Variants in CFAP43 observed in about 807,000 individuals in gnomAD.
CFAP43 encodes cilia and flagella associated protein 43.
CFAP43 carries 155 observed loss-of-function variants against 218.9 expected under a neutral mutation model. That is an observed-to-expected ratio of 0.71 (90% CI 0.62 to 0.81). The LOEUF is 0.81. CFAP43 is among the 30% of genes least tolerant of loss of function. The probability of loss-of-function intolerance (pLI) is 0.00; values close to 1 mark genes in which losing one functional copy is unlikely to be tolerated. For missense variants in CFAP43, 1,778 were observed against 1,954.3 expected (o/e 0.91, Z 1.70); for synonymous variants, 645 against 681.3 (o/e 0.95, Z 0.83).
intron 3 of CFAP43, among the ~76,000 whole-genome samples, chr10:104,222,108 A>G (rs756860426): frequency 6.6e-6 from 1 of 152,218 alleles, no homozygotes; most frequent in Non-Finnish European, 1.5e-5. Flanking sequence ...GTCTTCTTAG[A>G]TCAATTTACT....
At chr10:104,184,941 G>A (rs2089982040) in intron 16 of CFAP43, 75 bp downstream of exon 16, 2 of 1,553,866 alleles carry the variant, frequency 1.3e-6, no homozygotes, top group Non-Finnish European at 1.7e-6. Flanking sequence ...TGGCCTTGCT[G>A]TACTTAAATA....
At chr10:104,176,102 G>A (rs1195987656) in intron 19 of CFAP43, among the ~76,000 whole-genome samples, 1 of 152,050 alleles carries the variant, frequency 6.6e-6, no homozygotes, top group Non-Finnish European at 1.5e-5. Flanking sequence ...TATTCTCAAG[G>A]TACAAGAACT....
intron 3 of CFAP43, among the ~76,000 whole-genome samples, chr10:104,218,347 C>CAAAAAA (rs68078522): frequency 3.0e-5 from 3 of 98,612 alleles, no homozygotes; most frequent in Admixed American, 1.3e-4. Flanking sequence ...GACTGTGTCT[C>CAAAAAA]AAAAAAAAAA....
chr10:104,156,825 A>T (rs1190670565), intron 27 of CFAP43, among the ~76,000 whole-genome samples: 1 of 152,216 alleles, frequency 6.6e-6, no homozygotes, highest in Non-Finnish European at 1.5e-5. Flanking sequence ...AGCAGCTCGA[A>T]ACCCAGAAAA....
In CFAP43 at chr10:104,152,650, C is replaced by T. The variant is rs1198771332; in HGVS notation, c.3617G>A (p.Arg1206Lys). ...TGCCTTCACTCTCCTTTCAAAAAGT[C>T]TTTTCAAATGTTCATCAAAGGCCTG... ...STQAFDEHLK[R>K]LFERRVKAEM... The change falls in exon 28 of 38, where the codon AGA becomes AAA. Residue 1206 changes from arginine to lysine, a missense_variant. By Grantham distance (26) the Arg-to-Lys change is conservative. Around this residue, in one of 3 missense-constraint regions of CFAP43, gnomAD observed 1,553 missense variants for 1,685.2 expected, o/e 0.92. Coordinates refer to ENST00000357060, the MANE Select transcript of CFAP43 (RefSeq NM_025145.7). The T allele has an allele frequency of 6.2e-7, 1 of 1,613,824 alleles. No homozygotes were observed. The highest frequency in any genetic ancestry group is 2.2e-5 in the East Asian group (1 of 44,876).
At chr10:104,166,412 T>C in intron 23 of CFAP43, 76 bp downstream of exon 23, 1 of 1,032,228 alleles carries the variant, frequency 9.7e-7, no homozygotes, top group Non-Finnish European at 1.4e-6. Flanking sequence ...TTGGCATTTG[T>C]TTTCAATGTG....
At chr10:104,230,987 C>T (rs1046119544) in intron 1 of CFAP43, 144 bp from the exon 2 acceptor site, 4 of 912,060 alleles carry the variant, frequency 4.4e-6, no homozygotes, top group Admixed American at 3.3e-5. Context: ...AAAGAACACA[C>T]ATGCTGGCTG....
intron 1 of CFAP43, among the ~76,000 whole-genome samples, chr10:104,231,370 T>C (rs1364613995): frequency 2.0e-5 from 3 of 151,996 alleles, no homozygotes; most frequent in Non-Finnish European, 4.4e-5. Context: ...AAAATACAGA[T>C]AAACGTAGAA....
chr10:104,146,032 T>C (rs1225658824), intron 30 of CFAP43, among the ~76,000 whole-genome samples: 1 of 152,194 alleles, frequency 6.6e-6, no homozygotes, highest in Non-Finnish European at 1.5e-5. Context: ...CTAGATGATT[T>C]CCCTGTATTT....
rs1490170280 is a variant in CFAP43, at chr10:104,197,992, T to G, written c.1142A>C (p.Lys381Thr). 1.2e-6 allele frequency: 2 copies of G among 1,613,776 alleles called. No individual in the cohort carries two copies. Residue 381 changes from lysine (K) to threonine (T), a missense_variant, in exon 9 of 38, where the codon AAA becomes ACA. Lys to Thr is a moderately conservative substitution (Grantham distance 78). Around this residue, in one of 3 missense-constraint regions of CFAP43, gnomAD observed 1,553 missense variants for 1,685.2 expected, o/e 0.92. Transcript: ENST00000357060. The part of the protein sequence containing the change: ...YTFGKEPTLN[K>T]VLDACDGKFQ... ...TTTCCCATCACAAGCATCTAGGACT[T>G]TATTTAAGGTTGGCTCCTTACCAAA...
At chr10:104,192,164 C>A (rs973251089) in intron 12 of CFAP43, 35 bp downstream of exon 12, 12 of 1,425,046 alleles carry the variant, frequency 8.4e-6, no homozygotes, top group East Asian at 4.7e-5. Flanking sequence ...TTGAAATAAT[C>A]AATATTTTAA....
chr10:104,194,478 T>C (rs2090329184), intron 10 of CFAP43, among the ~76,000 whole-genome samples: 1 of 152,216 alleles, frequency 6.6e-6, no homozygotes, highest in African/African-American at 2.4e-5. Flanking sequence ...CAAGTGATCC[T>C]ACTGTGTCAG....
At chr10:104,193,581 C>A (rs769416344) in intron 11 of CFAP43, 12 of 328,324 alleles carry the variant, frequency 3.7e-5, no homozygotes, top group Non-Finnish European at 6.3e-5. Context: ...GCCATTGATA[C>A]AAGTAAAAAG....
intron 19 of CFAP43, 124 bp downstream of exon 19, chr10:104,178,905 G>A: frequency 1.6e-6 from 1 of 625,756 alleles, no homozygotes. Flanking sequence ...AAGAACCTCA[G>A]AAAACTGAGC....
chr10:104,168,260 G>A (rs970642310), intron 21 of CFAP43, among the ~76,000 whole-genome samples: 7 of 152,324 alleles, frequency 4.6e-5, no homozygotes, highest in Admixed American at 1.3e-4. Context: ...ATATTTGAAA[G>A]TGAAAAGGAT....
intron 16 of CFAP43, among the ~76,000 whole-genome samples, chr10:104,184,226 G>T (rs1164420165): frequency 6.6e-6 from 1 of 152,092 alleles, no homozygotes; most frequent in Non-Finnish European, 1.5e-5. Flanking sequence ...GTTTAACTTG[G>T]AAGCAAGGAT....
chr10:104,199,208 A>G (rs1026504617), intron 8 of CFAP43, among the ~76,000 whole-genome samples: 1 of 152,168 alleles, frequency 6.6e-6, no homozygotes, highest in Non-Finnish European at 1.5e-5. Context: ...CACCTCTAAA[A>G]AAAAATCTGT....
rs766944013 is a variant in CFAP43, at chr10:104,131,446, G to A, written c.4716C>T (p.Leu1572=). 1.2e-6 allele frequency: 2 copies of A among 1,613,186 alleles called. No homozygotes were observed. The highest frequency in any genetic ancestry group is 1.7e-6 in the Non-Finnish European group (2 of 1,179,752). ...KKNVENCKKL[L]KKLGKFSNQK... The stretch of plus-strand genomic sequence containing the variant: ...GATTGCTGAACTTTCCAAGTTTTTT[G>A]AGTAGTTTCTTGCAGTTTTCCACAT... The change falls in exon 37 of 38, where the codon CTC becomes CTT. Residue 1572 remains leucine (L), a synonymous_variant. Transcript: ENST00000357060.
At chr10:104,144,079 T>C (rs1414353586) in intron 31 of CFAP43, among the ~76,000 whole-genome samples, 2 of 152,140 alleles carry the variant, frequency 1.3e-5, no homozygotes, top group African/African-American at 4.8e-5. Context: ...GGAAGAAGGG[T>C]ACAAAGATTT....
Sources: gnomAD v4.1 joint callset for allele counts (sites outside exome capture counted in the v4.1 genomes callset) on GRCh38, gnomAD v4.1.1 for gene constraint, gnomAD v4.1.1 regional missense constraint, MANE v1.5 for transcripts, NCBI Gene and HGNC (gene_info 2026-07-23, HGNC 2026-07-21) for gene names.